The following TRAP1 variants were observed in gnomAD, a reference collection of about 807,000 sequenced individuals.
TRAP1 encodes TNF receptor associated protein 1.
A neutral mutation model predicts 89.1 loss-of-function variants in TRAP1; 102 were observed. That is an observed-to-expected ratio of 1.15 (90% CI 0.98 to 1.35). TRAP1 has a LOEUF of 1.35. TRAP1 is among the 40% of genes most tolerant of loss of function. The probability of loss-of-function intolerance (pLI) is 0.00; values close to 1 mark genes in which losing one functional copy is unlikely to be tolerated. For synonymous variants in TRAP1, 508 were observed against 388.0 expected (o/e 1.31, Z -3.64); for missense variants, 1,256 against 945.3 (o/e 1.33, Z -4.31).
intron 17 of TRAP1, 50 bp from the exon 18 acceptor site, chr16:3,658,280 CA>C (rs1567215368): frequency 8.0e-6 from 11 of 1,375,362 alleles, no homozygotes; most frequent in Admixed American, 2.1e-5. Context: ...GGCACCTTTT[CA>C]TTTTTTTTTT....
At chr16:3,716,672 A>G (rs1288441622) in intron 1 of TRAP1, among the ~76,000 whole-genome samples, 3 of 152,266 alleles carry the variant, frequency 2.0e-5, no homozygotes, top group Non-Finnish European at 2.9e-5. Context: ...ATTTACACGT[A>G]TAACACTGTG....
At chr16:3,674,617 G>C (rs1210737762) in intron 8 of TRAP1, 123 bp from the exon 9 acceptor site, 3 of 1,239,420 alleles carry the variant, frequency 2.4e-6, no homozygotes, top group East Asian at 2.5e-5. Context: ...ACGGGCGGTG[G>C]TCTCAGGCGT....
At chr16:3,702,348 C>T (rs762455129) in intron 1 of TRAP1, among the ~76,000 whole-genome samples, 86 of 151,754 alleles carry the variant, frequency 5.7e-4, no homozygotes, top group Non-Finnish European at 1.0e-3. Flanking sequence ...CAAACAAGGA[C>T]GAGGTACAAG....
chr16:3,695,285 G>T (rs1358525963), intron 1 of TRAP1, among the ~76,000 whole-genome samples: 3 of 152,112 alleles, frequency 2.0e-5, no homozygotes, highest in African/African-American at 7.2e-5. Flanking sequence ...AAGGGGAGAG[G>T]GCTGGCAGAG....
chr16:3,662,860 T>C (rs1241488111), intron 15 of TRAP1, 22 bp downstream of exon 15: 2 of 1,612,392 alleles, frequency 1.2e-6, no homozygotes, highest in Non-Finnish European at 1.7e-6. Context: ...CAAGTGGTGG[T>C]CCATCCCCGG....
Position 3,676,150 on chromosome 16 carries a change from G to C in TRAP1, c.705-5C>G, listed in dbSNP as rs771162097. 2.5e-6 allele frequency: 4 copies of C among 1,612,358 alleles called. No individual in the cohort carries two copies. In the African/African-American group the frequency reaches 4.0e-5, roughly 16 times the overall value. ...GCGATTTCAAACACTCCAGAACTAAGGCAGGCAAAGAAAGGAAAAGCCAGG... is the reference window on the plus strand; with the variant it reads ...GCGATTTCAAACACTCCAGAACTAACGCAGGCAAAGAAAGGAAAAGCCAGG... On this transcript the variant is annotated splice_region_variant and splice_polypyrimidine_tract_variant and intron_variant, in intron 6 of 17. Coordinates refer to ENST00000246957, the MANE Select transcript of TRAP1 (RefSeq NM_016292.3).
At chr16:3,700,759 C>T (rs2051354735) in intron 1 of TRAP1, among the ~76,000 whole-genome samples, 1 of 152,120 alleles carries the variant, frequency 6.6e-6, no homozygotes, top group African/African-American at 2.4e-5. Flanking sequence ...AGCCACCGCA[C>T]CTGGCCAAGG....
At chr16:3,714,343 T>A (rs1055385748) in intron 1 of TRAP1, among the ~76,000 whole-genome samples, 2 of 152,178 alleles carry the variant, frequency 1.3e-5, no homozygotes, top group Admixed American at 6.5e-5. Flanking sequence ...CAAGCGGATA[T>A]CCTAGCCCAC....
chr16:3,679,222 A>G (rs1206390879), intron 5 of TRAP1, among the ~76,000 whole-genome samples: 2 of 152,110 alleles, frequency 1.3e-5, no homozygotes, highest in East Asian at 1.9e-4. Context: ...ACCGGGAGGC[A>G]GAGGTTGCAG....
intron 1 of TRAP1, 156 bp from the exon 2 acceptor site, chr16:3,691,141 T>C: frequency 3.3e-6 from 2 of 607,608 alleles, no homozygotes; most frequent in Admixed American, 8.3e-5. Flanking sequence ...AATGCCACAG[T>C]GTCAGGGTGT....
intron 4 of TRAP1, among the ~76,000 whole-genome samples, chr16:3,684,292 A>T (rs1303282437): frequency 2.0e-5 from 3 of 152,224 alleles, no homozygotes; most frequent in Non-Finnish European, 4.4e-5. Context: ...CTTACAATGA[A>T]GTGTTAAATA....
intron 1 of TRAP1, among the ~76,000 whole-genome samples, chr16:3,712,609 T>A (rs1031803707): frequency 6.6e-6 from 1 of 152,144 alleles, no homozygotes; most frequent in East Asian, 1.9e-4. Context: ...TACATTCGGA[T>A]TGATGTGTTT....
chr16:3,695,788 G>C (rs986159404), intron 1 of TRAP1, among the ~76,000 whole-genome samples: 1 of 152,120 alleles, frequency 6.6e-6, no homozygotes, highest in African/African-American at 2.4e-5. Flanking sequence ...TGCGGAGTCA[G>C]CAGGTCTGAG....
chr16:3,691,714 T>A (rs1454533298), intron 1 of TRAP1, among the ~76,000 whole-genome samples: 1 of 151,872 alleles, frequency 6.6e-6, no homozygotes, highest in Non-Finnish European at 1.5e-5. Flanking sequence ...ATGTTAATAT[T>A]CTGAAACTGT....
In TRAP1 at chr16:3,677,674, CAGTT is replaced by C. The variant is rs752026274; in HGVS notation, c.544-20_544-17del. On this transcript the variant is annotated splice_polypyrimidine_tract_variant and intron_variant, in intron 5 of 17. Transcript: ENST00000246957. ...CCAGGAAGGCCTGTGGGGCAGAGGC[CAGTT>C]AGTGAGGCAGCCTCCCCTCCAGAGA... 1.5e-5 allele frequency: 24 copies of C among 1,610,112 alleles called. No homozygotes were observed. Among genetic ancestry groups the C allele is most frequent in the Non-Finnish European group, 1.8e-5 (21 of 1,178,650 alleles).
intron 1 of TRAP1, among the ~76,000 whole-genome samples, chr16:3,699,531 C>A (rs1441187535): frequency 6.9e-6 from 1 of 145,622 alleles, no homozygotes; most frequent in East Asian, 2.0e-4. Flanking sequence ...GAGGCTGAGG[C>A]AGGAGAATCA....
At chr16:3,677,749 C>T in intron 5 of TRAP1, 91 bp from the exon 6 acceptor site, 2 of 1,435,188 alleles carry the variant, frequency 1.4e-6, no homozygotes, top group Non-Finnish European at 9.3e-7. Flanking sequence ...ACCGCTAAGA[C>T]CCCTTCATCC....
At chr16:3,682,815 G>C (rs1201848025) in intron 4 of TRAP1, among the ~76,000 whole-genome samples, 2 of 151,792 alleles carry the variant, frequency 1.3e-5, no homozygotes, top group Non-Finnish European at 2.9e-5. Flanking sequence ...AACCCTGATA[G>C]CACCAATGCA....
At chr16:3,668,026 T>A (rs900740300) in intron 11 of TRAP1, among the ~76,000 whole-genome samples, 1 of 151,002 alleles carries the variant, frequency 6.6e-6, no homozygotes, top group African/African-American at 2.4e-5. Flanking sequence ...CCTCCCAGGT[T>A]CAAGCAATTC....
Sources: gnomAD v4.1 joint callset for allele counts (sites outside exome capture counted in the v4.1 genomes callset) on GRCh38, gnomAD v4.1.1 for gene constraint, MANE v1.5 for transcripts, NCBI Gene and HGNC (gene_info 2026-07-23, HGNC 2026-07-21) for gene names.